The following ALMS1 variants were observed in gnomAD, a reference collection of about 807,000 sequenced individuals.
ALMS1 encodes the protein ALMS1 centrosome and basal body associated protein.
ALMS1 carries 271 observed loss-of-function variants against 352.2 expected under a neutral mutation model. The ratio of observed to expected loss-of-function variants is 0.77; its 90% CI spans 0.70 to 0.85. ALMS1 has a LOEUF of 0.85. ALMS1 is among the 40% of genes least tolerant of loss of function. The pLI, the probability that ALMS1 is intolerant of heterozygous loss-of-function variation, is 0.00. For synonymous variants in ALMS1, 1,865 were observed against 1,761.2 expected, an observed-to-expected ratio of 1.06 and a Z score of -1.48; for missense variants, 5,445 against 4,870.7, an observed-to-expected ratio of 1.12 and a Z score of -3.51.
intron 15 of ALMS1, among the ~76,000 whole-genome samples, chr2:73,561,695 A>G (rs1674665955): frequency 6.9e-6 from 1 of 145,734 alleles, no homozygotes; most frequent in African/African-American, 2.8e-5. Context: ...TGTACACTTA[A>G]AAATGGCTAA....
At chr2:73,405,543 A>AT (rs1020616939) in intron 1 of ALMS1, among the ~76,000 whole-genome samples, 27 of 148,044 alleles carry the variant, frequency 1.8e-4, no homozygotes, top group South Asian at 4.3e-4. Flanking sequence ...GGTTTTCTTG[A>AT]TTTTTTTCCT....
chr2:73,417,917 A>G (rs190714276), intron 2 of ALMS1, among the ~76,000 whole-genome samples: 9 of 152,310 alleles, frequency 5.9e-5, no homozygotes, highest in Admixed American at 2.0e-4. Flanking sequence ...TGATCTGTAG[A>G]TTGGTGCCAG....
In ALMS1 at chr2:73,573,178, CCAAA is replaced by C; in HGVS notation, c.11304_11307del (p.Thr3769IlefsTer21). On this transcript the variant is annotated frameshift_variant, in exon 16 of 23. Coordinates refer to ENST00000613296, the MANE Select transcript of ALMS1 (RefSeq NM_001378454.1). LOFTEE classifies it high-confidence loss of function. ...CTACTGTCGAATCAGATATATTGAC[CCAAA>C]CAGATAGAGAGGTGGCTCTGCACGA... 1 of 1,613,030 alleles carries C rather than the reference CCAAA, an allele frequency of 6.2e-7. No individual in the cohort carries two copies. Among genetic ancestry groups the C allele is most frequent in the Non-Finnish European group, 8.5e-7 (1 of 1,179,484 alleles).
chr2:73,552,561 A>C (rs916185301), intron 13 of ALMS1, among the ~76,000 whole-genome samples: 1 of 152,232 alleles, frequency 6.6e-6, no homozygotes, highest in Non-Finnish European at 1.5e-5. Context: ...TCATTTGGTA[A>C]GGATGATACA....
intron 15 of ALMS1, among the ~76,000 whole-genome samples, chr2:73,564,544 C>A (rs1413960095): frequency 6.6e-6 from 1 of 151,342 alleles, no homozygotes; most frequent in African/African-American, 2.4e-5. Flanking sequence ...AATCAACCAT[C>A]ACCATAATCA....
intron 11 of ALMS1, among the ~76,000 whole-genome samples, chr2:73,528,294 A>T (rs1673835742): frequency 6.6e-6 from 1 of 152,128 alleles, no homozygotes; most frequent in South Asian, 2.1e-4. Context: ...TTCTGTCTGG[A>T]TGATCTGTCC....
chr2:73,595,823 C>T (rs1016522709), intron 16 of ALMS1, among the ~76,000 whole-genome samples: 2 of 152,148 alleles, frequency 1.3e-5, no homozygotes, highest in African/African-American at 4.8e-5. Flanking sequence ...TATTTATAGC[C>T]ATTCTAGTGG....
intron 9 of ALMS1, among the ~76,000 whole-genome samples, chr2:73,455,565 G>T (rs571389444): frequency 1.3e-5 from 2 of 152,032 alleles, no homozygotes; most frequent in Non-Finnish European, 2.9e-5. Flanking sequence ...CGCCCTGCTC[G>T]GCTAATTTTT....
intron 9 of ALMS1, among the ~76,000 whole-genome samples, chr2:73,467,678 A>T (rs548476335): frequency 2.7e-4 from 41 of 152,214 alleles, no homozygotes; most frequent in African/African-American, 8.7e-4. Context: ...CCAAACTGAA[A>T]ACTACATAAA....
chr2:73,545,329 C>T (rs1674291103), intron 12 of ALMS1, among the ~76,000 whole-genome samples: 1 of 151,794 alleles, frequency 6.6e-6, no homozygotes, highest in Admixed American at 6.6e-5. Flanking sequence ...TATAGGCACC[C>T]ACCACCACGC....
At chr2:73,526,449 T>C (rs1399057391) in intron 11 of ALMS1, among the ~76,000 whole-genome samples, 5 of 152,134 alleles carry the variant, frequency 3.3e-5, no homozygotes, top group Non-Finnish European at 7.4e-5. Context: ...ATTTTTTTGT[T>C]GTCCTCTTCA....
intron 11 of ALMS1, among the ~76,000 whole-genome samples, chr2:73,522,867 T>G (rs1442140347): frequency 6.6e-6 from 1 of 152,232 alleles, no homozygotes; most frequent in African/African-American, 2.4e-5. Flanking sequence ...ATCATACTCC[T>G]TTTAAAAAGT....
At chr2:73,403,275 A>T (rs1670906737) in intron 1 of ALMS1, among the ~76,000 whole-genome samples, 1 of 152,122 alleles carries the variant, frequency 6.6e-6, no homozygotes, top group Non-Finnish European at 1.5e-5. Context: ...CAGCACCATT[A>T]TTTGAAGAGA....
At chr2:73,564,913 C>G (rs997475792) in intron 15 of ALMS1, among the ~76,000 whole-genome samples, 2 of 152,198 alleles carry the variant, frequency 1.3e-5, no homozygotes, top group African/African-American at 4.8e-5. Context: ...CACAGATTTA[C>G]AGTCATTAAT....
chr2:73,540,045 G>A lies in ALMS1; in HGVS notation c.9907+5096G>A, dbSNP rs142988735. 2.0e-5 allele frequency among the ~76,000 whole-genome samples: 3 copies of A among 152,254 alleles called. No homozygotes were observed. In the East Asian group the frequency reaches 5.8e-4, roughly 29 times the overall value. ...ATGCCACAAAGATGCTCCTCGAGAA[G>A]AGCAACTCCAAGACACATAATTGTC... On this transcript the variant is annotated intron_variant, in intron 12 of 22. Transcript: ENST00000613296.
intron 1 of ALMS1, among the ~76,000 whole-genome samples, chr2:73,388,672 T>C (rs1467946112): frequency 6.6e-6 from 1 of 152,386 alleles, no homozygotes; most frequent in East Asian, 1.9e-4. Flanking sequence ...AGCTGCATAA[T>C]ATTCCACAAT....
At chr2:73,459,023 A>G (rs1672131297) in intron 9 of ALMS1, 1 of 152,172 alleles carries the variant, frequency 6.6e-6, no homozygotes, top group Non-Finnish European at 1.5e-5. Flanking sequence ...ATGTTGATGA[A>G]AAACCTGTTA....
chr2:73,451,080 T>C lies in ALMS1; in HGVS notation c.4553T>C (p.Ile1518Thr). ...GGCCAGACAACTGGCGCACCAACTA[T>C]AACCTCTCCTTCCTACTCACAACAT... ...PVGQTTGAPTITSPSYSQHRA... is the reference protein window; with the variant it reads ...PVGQTTGAPTTTSPSYSQHRA... Residue 1518 changes from isoleucine (I) to threonine (T), a missense_variant, in exon 8 of 23, where the codon ATA becomes ACA. By Grantham distance (89) the Ile-to-Thr change is moderately conservative. Transcript: ENST00000613296. 6.2e-7 allele frequency: 1 copy of C among 1,613,806 alleles called. No homozygotes were observed. The highest frequency in any genetic ancestry group is 8.5e-7 in the Non-Finnish European group (1 of 1,179,926).
chr2:73,501,983 A>G (rs1371583613), intron 10 of ALMS1, among the ~76,000 whole-genome samples: 3 of 151,986 alleles, frequency 2.0e-5, no homozygotes, highest in Admixed American at 1.3e-4. Context: ...GATTTTACAC[A>G]TCTACTAAAT....
Sources: allele counts gnomAD v4.1 joint callset (sites outside exome capture counted in the v4.1 genomes callset), GRCh38; gene constraint gnomAD v4.1.1; transcripts MANE v1.5; gene names NCBI Gene and HGNC (gene_info 2026-07-23, HGNC 2026-07-21).